The following CHRNA6 variants were observed in gnomAD, a reference collection of about 807,000 sequenced individuals.
CHRNA6 encodes the protein neuronal acetylcholine receptor subunit alpha-6.
Under a neutral mutation model 40.9 loss-of-function variants are expected in CHRNA6, and 31 were observed. The observed-to-expected ratio is 0.76, with a 90% CI of 0.57 to 1.02. The LOEUF (loss-of-function observed/expected upper bound fraction) is 1.02, where lower values mean the gene tolerates loss of function less well. Ranked by LOEUF, CHRNA6 falls within the 50% of genes least tolerant of loss-of-function variation. The probability of loss-of-function intolerance (pLI) is 0.00; values close to 1 mark genes in which losing one functional copy is unlikely to be tolerated. For missense variants in CHRNA6, 546 were observed against 596.6 expected (o/e 0.92, Z 0.88); for synonymous variants, 222 against 221.3 (o/e 1.00, Z -0.03).
At chr8:42,754,292 G>A (rs538317339) in intron 5 of CHRNA6, among the ~76,000 whole-genome samples, 3 of 152,068 alleles carry the variant, frequency 2.0e-5, no homozygotes, top group Non-Finnish European at 2.9e-5. Context: ...CAATCCTCCC[G>A]CCTTAGCCTC....
rs969485351 is a variant in CHRNA6 at position 42,765,133 on chromosome 8, G to C, written c.151C>G (p.Pro51Ala). The C allele has an allele frequency of 5.0e-6, 8 of 1,613,996 alleles. No homozygotes were observed. The highest frequency in any genetic ancestry group is 2.7e-5 in the African/African-American group (2 of 74,938). ...ACAGGGTCGGAAACGTTTTCCACAG[G>C]CCTGATGAACTGGTTGTAATGAGAA... is the stretch of plus-strand genomic sequence containing the variant. ...LFSHYNQFIR[P>A]VENVSDPVTV... The change falls in exon 2 of 6, where the codon CCT becomes GCT. Residue 51 changes from proline (P) to alanine (A), a missense_variant. By Grantham distance (27) the Pro-to-Ala change is conservative. Coordinates refer to ENST00000276410, the MANE Select transcript of CHRNA6 (RefSeq NM_004198.3).
intron 1 of CHRNA6, 132 bp downstream of exon 1, chr8:42,768,220 G>A: frequency 1.6e-6 from 1 of 625,240 alleles, no homozygotes; most frequent in Non-Finnish European, 2.8e-6. Flanking sequence ...TTAATTAGCA[G>A]TTGTAACAGT....
At chr8:42,764,546 C>T (rs1332025303) in intron 2 of CHRNA6, among the ~76,000 whole-genome samples, 1 of 152,100 alleles carries the variant, frequency 6.6e-6, no homozygotes, top group Non-Finnish European at 1.5e-5. Flanking sequence ...AGGCTGGTCT[C>T]GAACTCTTGA....
rs759330459 is a variant in CHRNA6 at position 42,755,993 on chromosome 8, A to G, written c.1206T>C (p.Asn402=). 6.2e-7 allele frequency: 1 copy of G among 1,614,226 alleles called. No individual in the cohort carries two copies. Residue 402 remains asparagine, a synonymous_variant, in exon 5 of 6, where the codon AAT becomes AAC. Coordinates refer to ENST00000276410, the MANE Select transcript of CHRNA6 (RefSeq NM_004198.3). ...ATCTTCTCTTGCTTGTGGCAAGCTCATTTGATTTGTGACAATGGAAGCATT... is the reference window on the plus strand; with the variant it reads ...ATCTTCTCTTGCTTGTGGCAAGCTCGTTTGATTTGTGACAATGGAAGCATT... ...LKECFHCHKS[N]ELATSKRRLS...
chr8:42,768,443 CTT>C lies in CHRNA6; in HGVS notation c.-15_-14del. On this transcript the variant is annotated 5_prime_UTR_variant, in exon 1 of 6. It removes the in-frame stop codon of an upstream open reading frame in the 5' UTR. Coordinates refer to ENST00000276410, the MANE Select transcript of CHRNA6 (RefSeq NM_004198.3). Reference sequence around the variant, plus strand: ...TGCTGGTCAGCATGGTTAAAACACACTTGGATTCCTTTTTCCTAGGCAAAGGA... The same window carrying C: ...TGCTGGTCAGCATGGTTAAAACACACGGATTCCTTTTTCCTAGGCAAAGGA... 6.2e-7 allele frequency: 1 copy of C among 1,607,976 alleles called. No homozygotes were observed. Among genetic ancestry groups the C allele is most frequent in the Non-Finnish European group, 8.5e-7 (1 of 1,174,650 alleles).
intron 1 of CHRNA6, among the ~76,000 whole-genome samples, chr8:42,766,789 C>T (rs1327590098): frequency 6.6e-6 from 1 of 152,142 alleles, no homozygotes; most frequent in African/African-American, 2.4e-5. Context: ...GCATGCTGGG[C>T]TTAATACCTA....
At chr8:42,753,674 G>A (rs939519895) in intron 5 of CHRNA6, among the ~76,000 whole-genome samples, 3 of 152,052 alleles carry the variant, frequency 2.0e-5, no homozygotes, top group Admixed American at 6.6e-5. Flanking sequence ...ACTCCATTTC[G>A]AAAAATAAAT....
rs1816999229 is a variant in CHRNA6, at chr8:42,768,285, AC to A, written c.79+66del. On this transcript the variant is annotated intron_variant, in intron 1 of 5. Coordinates refer to ENST00000276410, the MANE Select transcript of CHRNA6 (RefSeq NM_004198.3). ...TTATTAATATATCTTCTCAAGCACA[AC>A]TAGAAAAGAGAGTAAACACATGTAG... is the stretch of plus-strand genomic sequence containing the variant. 9 of 1,281,570 alleles carry A rather than the reference AC, an allele frequency of 7.0e-6. No homozygotes were observed. The Middle Eastern group carries it at 9.4e-4, about 134-fold the overall frequency. The allele number at this position is 1,281,570 out of a possible 1,614,324, so 79.4% of individuals were successfully genotyped here.
Position 42,757,026 on chromosome 8 carries a change from A to C in CHRNA6, c.276T>G (p.Asp92Glu), listed in dbSNP as rs146332801. The change falls in exon 4 of 6, where the codon GAT becomes GAG. Residue 92 changes from aspartate (D) to glutamate (E), a missense_variant. Physicochemically the swap from Asp to Glu is conservative, Grantham distance 45 (BLOSUM62 2). Coordinates refer to ENST00000276410, the MANE Select transcript of CHRNA6 (RefSeq NM_004198.3). ...TNLWLRHIWN[D>E]YKLRWDPMEY... ...CCATTGGATCCCAGCGCAATTTATA[A>C]TCATTCCAGATCTAAAATAAATAGA... 4.4e-6 allele frequency: 7 copies of C among 1,605,556 alleles called. No homozygotes were observed. The African/African-American group carries it at 8.0e-5, about 18-fold the overall frequency.
chr8:42,754,420 C>T (rs761049073), intron 5 of CHRNA6, among the ~76,000 whole-genome samples: 5 of 152,106 alleles, frequency 3.3e-5, no homozygotes, highest in East Asian at 1.9e-4. Context: ...ACAATTCTCC[C>T]GTCTTGGCCT....
intron 2 of CHRNA6, among the ~76,000 whole-genome samples, chr8:42,764,181 G>C (rs1195748950): frequency 2.0e-5 from 3 of 152,130 alleles, no homozygotes; most frequent in African/African-American, 7.2e-5. Context: ...GCAATGGGGG[G>C]GCGCAAAGAT....
chr8:42,760,876 C>T (rs925233831), intron 2 of CHRNA6, among the ~76,000 whole-genome samples: 4 of 152,210 alleles, frequency 2.6e-5, no homozygotes, highest in African/African-American at 4.8e-5. Context: ...ACACCTGGCA[C>T]CTTGAGTGGC....
intron 2 of CHRNA6, 132 bp from the exon 3 acceptor site, chr8:42,759,245 T>C (rs749411881): frequency 1.6e-4 from 107 of 685,966 alleles, no homozygotes; most frequent in Non-Finnish European, 4.2e-5. Context: ...CAAGGCAATG[T>C]GTGAAAGCAT....
chr8:42,763,417 G>A (rs1225957629), intron 2 of CHRNA6, among the ~76,000 whole-genome samples: 1 of 152,198 alleles, frequency 6.6e-6, no homozygotes, highest in Non-Finnish European at 1.5e-5. Flanking sequence ...TGTAAAGGCT[G>A]TGGGTTTTCT....
chr8:42,759,049 C>T lies in CHRNA6; in HGVS notation c.264+20G>A, dbSNP rs199652759. 1 of 1,597,410 alleles carries T rather than the reference C, an allele frequency of 6.3e-7. No homozygotes were observed. The highest frequency in any genetic ancestry group is 2.2e-5 in the East Asian group (1 of 44,814). ...TATCCATTCAACATCATTAAGCCAA[C>T]ACATGATATAGGCACATACGTGACG... is the stretch of plus-strand genomic sequence containing the variant. On this transcript the variant is annotated intron_variant, in intron 3 of 5. Transcript: ENST00000276410.
Position 42,753,306 on chromosome 8 carries a change from T to C in CHRNA6, c.1358A>G (p.Glu453Gly), listed in dbSNP as rs1457448977. 11 of 1,600,692 alleles carry C rather than the reference T, an allele frequency of 6.9e-6. No individual in the cohort carries two copies. Among genetic ancestry groups the C allele is most frequent in the Admixed American group, 3.6e-5 (2 of 55,250 alleles). The change falls in exon 6 of 6, where the codon GAA becomes GGA. Residue 453 changes from glutamate to glycine, a missense_variant. Physicochemically the swap from Glu to Gly is moderately conservative, Grantham distance 98. Around this residue, in one of 3 missense-constraint regions of CHRNA6, gnomAD observed 65 missense variants for 83.8 expected, o/e 0.78. Coordinates refer to ENST00000276410, the MANE Select transcript of CHRNA6 (RefSeq NM_004198.3). Reference sequence around the variant, plus strand: ...CATGGCCACGTATTTCCAGTCATCTTCTACCTGAAATGCAAACAAAAATTA... The same window carrying C: ...CATGGCCACGTATTTCCAGTCATCTCCTACCTGAAATGCAAACAAAAATTA... ...MKSHNETKEV[E>G]DDWKYVAMVV... is the part of the protein sequence containing the mutation.
Position 42,756,171 on chromosome 8 carries a change from G to C in CHRNA6, c.1028C>G (p.Thr343Arg), listed in dbSNP as rs1234510279. The change falls in exon 5 of 6, where the codon ACA becomes AGA. Residue 343 changes from threonine to arginine, a missense_variant. Thr to Arg is a moderately conservative substitution (Grantham distance 71, BLOSUM62 -1). Around this residue, in one of 3 missense-constraint regions of CHRNA6, gnomAD observed 476 missense variants for 494.5 expected, o/e 0.96. Transcript: ENST00000276410. ...TTHTMPRWVK[T>R]VFLKLLPQVL... ...CTGGGGCAGCAGCTTCAGGAAAACT[G>C]TCTTCACCCACCTGGGCATTGTGTG... The C allele has an allele frequency of 4.3e-6, 7 of 1,614,128 alleles. No individual in the cohort carries two copies. The highest frequency in any genetic ancestry group is 5.9e-6 in the Non-Finnish European group (7 of 1,180,042).
chr8:42,767,942 A>G (rs1399476123), intron 1 of CHRNA6, among the ~76,000 whole-genome samples: 1 of 152,210 alleles, frequency 6.6e-6, no homozygotes, highest in African/African-American at 2.4e-5. Context: ...TGTTTCCCCA[A>G]ACAAACATGA....
At chr8:42,763,388 G>A (rs145354468) in intron 2 of CHRNA6, among the ~76,000 whole-genome samples, 1 of 152,172 alleles carries the variant, frequency 6.6e-6, no homozygotes, top group Non-Finnish European at 1.5e-5. Flanking sequence ...TGTTGCATAA[G>A]ACAGGAATAA....
Sources: allele counts gnomAD v4.1 joint callset (sites outside exome capture counted in the v4.1 genomes callset), GRCh38; gene constraint gnomAD v4.1.1; regional missense constraint gnomAD v4.1.1; transcripts MANE v1.5; gene names NCBI Gene and HGNC (gene_info 2026-07-23, HGNC 2026-07-21).